Variants in RIMS1 observed in about 807,000 individuals in gnomAD.
The protein encoded by RIMS1 is regulating synaptic membrane exocytosis 1.
A neutral mutation model predicts 214.1 loss-of-function variants in RIMS1; 83 were observed. The ratio of observed to expected loss-of-function variants is 0.39; its 90% confidence interval spans 0.32 to 0.47. The LOEUF (loss-of-function observed/expected upper bound fraction) is 0.47. Among genes scored for constraint, RIMS1 ranks in the 20% least tolerant of loss-of-function variants. The pLI, the probability that RIMS1 is intolerant of heterozygous loss-of-function variation, is 0.99. For synonymous variants in RIMS1, 793 were observed against 786.8 expected (o/e 1.01, Z -0.13); for missense variants, 2,050 against 2,161.8 (o/e 0.95, Z 1.03).
At chr6:72,221,695 T>A (rs2058495105) in intron 6 of RIMS1, among the ~76,000 whole-genome samples, 1 of 152,016 alleles carries the variant, frequency 6.6e-6, no homozygotes, top group Admixed American at 6.5e-5. Flanking sequence ...AGATCAGACT[T>A]TAGTTTTATT....
intron 2 of RIMS1, among the ~76,000 whole-genome samples, chr6:72,018,513 C>T (rs1268801097): frequency 6.6e-6 from 1 of 152,088 alleles, no homozygotes; most frequent in Non-Finnish European, 1.5e-5. Context: ...CATTTATATA[C>T]ACAAATCTAG....
intron 2 of RIMS1, among the ~76,000 whole-genome samples, chr6:72,054,471 TTC>T (rs1825610644): frequency 1.3e-5 from 2 of 152,188 alleles, no homozygotes; most frequent in Admixed American, 1.3e-4. Flanking sequence ...TAAATGGTAT[TTC>T]TGGTTCTTGA....
At chr6:72,253,684 T>C (rs1165259420) in intron 16 of RIMS1, among the ~76,000 whole-genome samples, 2 of 152,134 alleles carry the variant, frequency 1.3e-5, no homozygotes, top group Non-Finnish European at 2.9e-5. Context: ...TTACATAATT[T>C]CTCAGATGGC....
intron 13 of RIMS1, 112 bp downstream of exon 13, chr6:72,250,572 A>G: frequency 1.4e-6 from 1 of 724,396 alleles, no homozygotes; most frequent in African/African-American, 1.8e-5. Context: ...CTGAGGAGAT[A>G]AAAGTACATT....
intron 2 of RIMS1, among the ~76,000 whole-genome samples, chr6:71,983,761 G>A (rs1220163532): frequency 1.3e-5 from 2 of 152,112 alleles, no homozygotes; most frequent in Non-Finnish European, 2.9e-5. Context: ...CACAAAACTT[G>A]GGGGAAATAA....
At chr6:71,969,092 A>C (rs1795174725) in intron 2 of RIMS1, 29 bp downstream of exon 2, 1 of 1,597,136 alleles carries the variant, frequency 6.3e-7, no homozygotes, top group Non-Finnish European at 8.6e-7. Context: ...TTATTGACTG[A>C]AAATGTCGTC....
At position 72,290,774 on chromosome 6, in the gene RIMS1, C is replaced by G; in HGVS notation, c.3650C>G (p.Ser1217Trp). The change falls in exon 25 of 34, where the codon TCG becomes TGG. Residue 1217 changes from serine to tryptophan, a missense_variant. This residue lies in a region of RIMS1 where 889 missense variants were observed against 885.5 expected (regional missense o/e 1.00). Coordinates refer to ENST00000521978, the MANE Select transcript of RIMS1 (RefSeq NM_014989.7). ...GGAAAACATCCTGCTCGCTCAAGGT[C>G]GAGTGAGCACTCTAGTATCAGAACA... ...IRGKHPARSR[S>W]SEHSSIRTLC... 1.9e-6 allele frequency: 3 copies of G among 1,613,652 alleles called. No homozygotes were observed. The highest frequency in any genetic ancestry group is 3.3e-5 in the Admixed American group (2 of 60,004).
chr6:72,161,506 C>A lies in RIMS1; in HGVS notation c.472-18069C>A, dbSNP rs565297410. ...GGGTGTCAATTTTAGATCTTTCCTG[C>A]TTTCTCTTGTGGGCATTTAGTGCTA... On this transcript the variant is annotated intron_variant, in intron 4 of 33. Transcript: ENST00000521978. Among the ~76,000 whole-genome samples the A allele has an allele frequency of 4.5e-4, 63 of 140,568 alleles. 3 individuals carry two copies. Among genetic ancestry groups the A allele is most frequent in the Middle Eastern group, 3.5e-3 (1 of 282 alleles). The allele number at this position is 140,568 out of a possible 152,430, so 92.2% of individuals were successfully genotyped here. A position where few individuals can be genotyped will look rare whatever the true frequency, so the allele number is the denominator to read the frequency against.
At chr6:72,350,718 T>C (rs1370436648) in intron 29 of RIMS1, among the ~76,000 whole-genome samples, 16 of 152,182 alleles carry the variant, frequency 1.1e-4, no homozygotes, top group Non-Finnish European at 1.6e-4. Context: ...GTAAAAGCAT[T>C]TATCTTGCCC....
At chr6:72,262,286 T>A in intron 19 of RIMS1, 1 of 877,904 alleles carries the variant, frequency 1.1e-6, no homozygotes, top group Non-Finnish European at 1.4e-6. Context: ...GGTGCTTTGC[T>A]AATAATTCTG....
chr6:72,393,485 G>A (rs899851181), intron 31 of RIMS1, among the ~76,000 whole-genome samples: 1 of 152,188 alleles, frequency 6.6e-6, no homozygotes, highest in Non-Finnish European at 1.5e-5. Flanking sequence ...AGCACTTTGG[G>A]AGGCCGAGAC....
intron 2 of RIMS1, among the ~76,000 whole-genome samples, chr6:72,069,744 T>C (rs1209238495): frequency 6.6e-6 from 1 of 152,200 alleles, no homozygotes; most frequent in African/African-American, 2.4e-5. Flanking sequence ...AATTGTATGA[T>C]TTTCGTTTTT....
rs1176307471 is a variant in RIMS1 at position 72,179,430 on chromosome 6, G to T, written c.472-145G>T. ...GCATTCATATATTTGACTGTGACTT[G>T]TGGGAGGACCATTTTCACAAGAAAT... On this transcript the variant is annotated intron_variant, in intron 4 of 33. Transcript: ENST00000521978. The T allele has an allele frequency of 1.2e-5, 9 of 754,674 alleles. No homozygotes were observed. In the Admixed American group the frequency reaches 1.8e-4, roughly 15 times the overall value. The allele number at this position is 754,674 out of a possible 1,614,324, so 46.7% of individuals were successfully genotyped here.
At chr6:72,305,917 T>C (rs1442723798) in intron 26 of RIMS1, among the ~76,000 whole-genome samples, 1 of 152,162 alleles carries the variant, frequency 6.6e-6, no homozygotes, top group Non-Finnish European at 1.5e-5. Context: ...CTGATAAAAG[T>C]ATGATTAAAA....
chr6:71,903,314 G>T (rs1039047823), intron 1 of RIMS1, among the ~76,000 whole-genome samples: 3 of 151,980 alleles, frequency 2.0e-5, no homozygotes, highest in East Asian at 1.9e-4. Flanking sequence ...TTGATTGGCC[G>T]CATGAATGTC....
At chr6:72,255,316 G>A (rs1426325364) in intron 16 of RIMS1, among the ~76,000 whole-genome samples, 5 of 152,136 alleles carry the variant, frequency 3.3e-5, no homozygotes, top group South Asian at 2.1e-4. Context: ...TTTAGATATG[G>A]AAGTCGTCTT....
chr6:72,124,073 G>A (rs1165994142), intron 4 of RIMS1, among the ~76,000 whole-genome samples: 1 of 151,814 alleles, frequency 6.6e-6, no homozygotes, highest in Non-Finnish European at 1.5e-5. Context: ...AGCATCAATG[G>A]TGTTTACAAT....
intron 2 of RIMS1, among the ~76,000 whole-genome samples, chr6:72,013,483 A>C (rs1811585204): frequency 1.3e-5 from 2 of 152,186 alleles, no homozygotes; most frequent in South Asian, 4.1e-4. Context: ...GAAATGAAAA[A>C]GACTGAAAAA....
chr6:72,271,986 A>C (rs915631111), intron 22 of RIMS1, among the ~76,000 whole-genome samples: 1 of 152,174 alleles, frequency 6.6e-6, no homozygotes, highest in South Asian at 2.1e-4. Flanking sequence ...GCTCCCAAGA[A>C]ATAGATGTTC....
Sources: allele counts gnomAD v4.1 joint callset (sites outside exome capture counted in the v4.1 genomes callset), GRCh38; gene constraint gnomAD v4.1.1; regional missense constraint gnomAD v4.1.1; transcripts MANE v1.5; gene names NCBI Gene and HGNC (gene_info 2026-07-23, HGNC 2026-07-21).